The following HTR7 variants were observed in gnomAD, a reference collection of about 807,000 sequenced individuals.
HTR7 encodes the protein 5-HT-7.
Under a neutral mutation model 34.0 loss-of-function variants are expected in HTR7, and 16 were observed. The observed-to-expected ratio is 0.47, with a 90% CI of 0.32 to 0.71. HTR7 has a LOEUF of 0.71. Ranked by LOEUF, HTR7 falls within the 30% of genes least tolerant of loss-of-function variation. The pLI, the probability that HTR7 is intolerant of heterozygous loss-of-function variation, is 0.04. For synonymous variants in HTR7, 265 were observed against 260.2 expected (o/e 1.02, Z -0.18); for missense variants, 504 against 625.5 (o/e 0.81, Z 2.07).
At chr10:90,844,435 G>T (rs1846378737) in intron 1 of HTR7, among the ~76,000 whole-genome samples, 1 of 152,032 alleles carries the variant, frequency 6.6e-6, no homozygotes, top group African/African-American at 2.4e-5. Flanking sequence ...ATGTTTTAAA[G>T]ATCAGTCTGG....
intron 1 of HTR7, among the ~76,000 whole-genome samples, chr10:90,816,516 C>G (rs1262596987): frequency 6.6e-6 from 1 of 152,054 alleles, no homozygotes; most frequent in East Asian, 1.9e-4. Flanking sequence ...TAAAAAAGAA[C>G]CTAGTTATAA....
intron 1 of HTR7, among the ~76,000 whole-genome samples, chr10:90,826,013 G>A (rs1273848989): frequency 6.6e-6 from 1 of 152,034 alleles, no homozygotes; most frequent in Non-Finnish European, 1.5e-5. Context: ...GAAGATTAAA[G>A]AATGCCAAGC....
intron 1 of HTR7, among the ~76,000 whole-genome samples, chr10:90,784,010 C>T (rs1258293153): frequency 3.3e-5 from 5 of 152,144 alleles, no homozygotes; most frequent in Non-Finnish European, 5.9e-5. Flanking sequence ...TACAATTATA[C>T]AAAGAAAGAT....
chr10:90,811,562 G>C (rs1845809790), intron 1 of HTR7, among the ~76,000 whole-genome samples: 4 of 152,040 alleles, frequency 2.6e-5, no homozygotes, highest in Admixed American at 2.6e-4. Flanking sequence ...CAAGCCACTA[G>C]CCCGCCTCTT....
chr10:90,795,233 AC>A, intron 1 of HTR7, among the ~76,000 whole-genome samples: 1 of 152,336 alleles, frequency 6.6e-6, no homozygotes, highest in East Asian at 1.9e-4. Flanking sequence ...AAACCCCCAT[AC>A]TTTTTTCCAT....
At chr10:90,825,044 A>C (rs573529830) in intron 1 of HTR7, among the ~76,000 whole-genome samples, 24 of 152,312 alleles carry the variant, frequency 1.6e-4, no homozygotes, top group Middle Eastern at 3.4e-3. Context: ...CAGTGTTTTG[A>C]CCCAGGGCAG....
At chr10:90,769,630 A>C (rs956287290) in intron 1 of HTR7, among the ~76,000 whole-genome samples, 1 of 152,232 alleles carries the variant, frequency 6.6e-6, no homozygotes, top group African/African-American at 2.4e-5. Context: ...TAAGCTTTAG[A>C]CTTTACAACT....
intron 1 of HTR7, among the ~76,000 whole-genome samples, chr10:90,834,915 A>T (rs747686979): frequency 6.6e-6 from 1 of 152,196 alleles, no homozygotes; most frequent in Non-Finnish European, 1.5e-5. Flanking sequence ...GGCAGTTTTT[A>T]CAGTCTATCA....
Position 90,857,504 on chromosome 10 carries a change from C to G in HTR7, c.168G>C (p.Pro56=), listed in dbSNP as rs1185516706. 2.5e-6 allele frequency: 4 copies of G among 1,612,382 alleles called. No individual in the cohort carries two copies. The South Asian group carries it at 3.3e-5, about 13-fold the overall frequency. The stretch of plus-strand genomic sequence containing the variant: ...CCGGGGGCGCGTCCCAGGTGGGCGC[C>G]GGGCTGGCTGTCACCTCGCTCAGCA... The part of the protein sequence containing the change: ...PHLLSEVTAS[P]APTWDAPPDN... The change falls in exon 1 of 4, where the codon CCG becomes CCC. Residue 56 remains proline (P), a synonymous_variant. Transcript: ENST00000336152. The surrounding 1 kb of genome is among the most constrained non-coding windows in gnomAD (Gnocchi z 6.5).
At position 90,749,000 on chromosome 10, in the gene HTR7, G is replaced by A; in HGVS notation, c.1134C>T (p.Leu378=). The change falls in exon 2 of 4, where the codon CTC becomes CTT. Residue 378 remains leucine (L), a synonymous_variant. Coordinates refer to ENST00000336152, the MANE Select transcript of HTR7 (RefSeq NM_019859.4). Reference sequence around the variant, plus strand: ...AGAAGGCATATATAAAAGGGTTAATGAGAGAGTTTGCATAGCCTAGCCACA... The same window carrying A: ...AGAAGGCATATATAAAAGGGTTAATAAGAGAGTTTGCATAGCCTAGCCACA... ...TFLWLGYANS[L]INPFIYAFFN... 6.2e-7 allele frequency: 1 copy of A among 1,614,110 alleles called. No homozygotes were observed. Among genetic ancestry groups the A allele is most frequent in the South Asian group, 1.1e-5 (1 of 91,074 alleles).
At chr10:90,849,678 A>G (rs1005628835) in intron 1 of HTR7, among the ~76,000 whole-genome samples, 3 of 152,238 alleles carry the variant, frequency 2.0e-5, no homozygotes, top group Non-Finnish European at 4.4e-5. Context: ...TTAAGCAGGA[A>G]ATTTACATAA....
At chr10:90,785,271 A>G (rs1172304959) in intron 1 of HTR7, among the ~76,000 whole-genome samples, 4 of 152,248 alleles carry the variant, frequency 2.6e-5, no homozygotes, top group Non-Finnish European at 5.9e-5. Context: ...AAACATGCAG[A>G]AAACCGTAGC....
At chr10:90,750,378 T>TC (rs1844715216) in intron 1 of HTR7, among the ~76,000 whole-genome samples, 1 of 152,194 alleles carries the variant, frequency 6.6e-6, no homozygotes, top group African/African-American at 2.4e-5. Flanking sequence ...TAAATATTAC[T>TC]CCAAGTCTGT....
chr10:90,857,162 G>T lies in HTR7; in HGVS notation c.510C>A (p.Ile170=). ...CAATGCTGATCACGCACAGGGTCAT[G>T]ATCGAGGCCGTGCAGCACATGACGT... ...AMDVMCCTAS[I]MTLCVISIDR... The change falls in exon 1 of 4, where the codon ATC becomes ATA. Residue 170 remains isoleucine (I), a synonymous_variant. Coordinates refer to ENST00000336152, the MANE Select transcript of HTR7 (RefSeq NM_019859.4). This position sits in a 1 kb window ranked among gnomAD's most constrained non-coding sequence, Gnocchi z 6.5. 6.2e-7 allele frequency: 1 copy of T among 1,609,826 alleles called. No homozygotes were observed. Among genetic ancestry groups the T allele is most frequent in the Non-Finnish European group, 8.5e-7 (1 of 1,177,748 alleles).
At chr10:90,844,844 C>T (rs751324119) in intron 1 of HTR7, among the ~76,000 whole-genome samples, 68 of 148,944 alleles carry the variant, frequency 4.6e-4, no homozygotes, top group African/African-American at 1.5e-3. Flanking sequence ...ACTGATGTGA[C>T]GCCCAGGCCC....
intron 1 of HTR7, among the ~76,000 whole-genome samples, chr10:90,832,849 G>C (rs1172467800): frequency 1.3e-5 from 2 of 152,200 alleles, no homozygotes; most frequent in African/African-American, 2.4e-5. Flanking sequence ...CGCAGAAAAG[G>C]CCCTCTGAAA....
intron 1 of HTR7, among the ~76,000 whole-genome samples, chr10:90,782,992 T>C (rs76118105): frequency 0.015 from 2,321 of 152,276 alleles, 75 homozygotes; most frequent in African/African-American, 0.052. Flanking sequence ...CCTTGTTTCC[T>C]GATAAGTTTT....
chr10:90,756,231 C>T (rs1375705847), intron 1 of HTR7, among the ~76,000 whole-genome samples: 3 of 152,170 alleles, frequency 2.0e-5, no homozygotes, highest in Admixed American at 6.5e-5. Flanking sequence ...AGGAGGAAAG[C>T]TTGGAGTTCT....
chr10:90,800,588 G>A (rs1473713296), intron 1 of HTR7, among the ~76,000 whole-genome samples: 1 of 151,700 alleles, frequency 6.6e-6, no homozygotes, highest in Non-Finnish European at 1.5e-5. Context: ...TTCACCCCCC[G>A]AGATGAAATT....
Sources: gnomAD v4.1 joint callset for allele counts (sites outside exome capture counted in the v4.1 genomes callset) on GRCh38, gnomAD v4.1.1 for gene constraint, Gnocchi (gnomAD v3.1) non-coding constraint, MANE v1.5 for transcripts, NCBI Gene and HGNC (gene_info 2026-07-23, HGNC 2026-07-21) for gene names.